The following MYO1H variants were observed in gnomAD, a reference collection of about 807,000 sequenced individuals.
MYO1H encodes unconventional myosin-Ih.
A neutral mutation model predicts 149.3 loss-of-function variants in MYO1H; 118 were observed. The observed-to-expected ratio is 0.79, with a 90% CI of 0.68 to 0.92. The LOEUF (loss-of-function observed/expected upper bound fraction) is 0.92. Among genes scored for constraint, MYO1H ranks in the 40% least tolerant of loss-of-function variants. The pLI is 0.00. For synonymous variants in MYO1H, 447 were observed against 465.2 expected, an observed-to-expected ratio of 0.96 and a Z score of 0.50; for missense variants, 1,212 against 1,280.7, an observed-to-expected ratio of 0.95 and a Z score of 0.82.
Position 109,406,877 on chromosome 12 carries a change from G to T in MYO1H, c.1035+17G>T, listed in dbSNP as rs770619927. ...ACTGAGGAGGTAAAAATGGCTATAG[G>T]TGGAAATGTGCCAGCCCTCCCTGCT... On this transcript the variant is annotated intron_variant, in intron 9 of 31. Coordinates refer to ENST00000310903, the Ensembl canonical transcript of MYO1H. 1.9e-6 allele frequency: 3 copies of T among 1,610,682 alleles called. No homozygotes were observed. The highest frequency in any genetic ancestry group is 3.3e-5 in the Admixed American group (2 of 60,010).
the MYO1H span, among the ~76,000 whole-genome samples, chr12:109,338,172 G>A: frequency 2.6e-5 from 4 of 152,110 alleles, no homozygotes; most frequent in Admixed American, 1.3e-4. Flanking sequence ...GAGCTCAAGC[G>A]ATCCTCCTGC....
chr12:109,440,037 C>CT (rs36004400), intron 24 of MYO1H, among the ~76,000 whole-genome samples: 2,726 of 143,122 alleles, frequency 0.019, 39 homozygotes, highest in African/African-American at 0.034. Flanking sequence ...AAACAGAGCA[C>CT]TTTTTTTTTT....
intron 14 of MYO1H, among the ~76,000 whole-genome samples, chr12:109,412,271 C>T (rs1870708543): frequency 6.6e-6 from 1 of 152,140 alleles, no homozygotes; most frequent in South Asian, 2.1e-4. Flanking sequence ...GATCCTCCAA[C>T]CTCAGCCTCC....
chr12:109,398,136 A>G (rs73403769), intron 5 of MYO1H, among the ~76,000 whole-genome samples: 16,704 of 152,258 alleles, frequency 0.11, 1,954 homozygotes, highest in African/African-American at 0.3. Context: ...TACCAGAGAT[A>G]TGATGCTATC....
chr12:109,383,826 A>G (rs1265390941), intron 1 of MYO1H, among the ~76,000 whole-genome samples: 1 of 152,132 alleles, frequency 6.6e-6, no homozygotes, highest in Non-Finnish European at 1.5e-5. Flanking sequence ...CCTCCCTGTC[A>G]TCTCCCCACC....
At chr12:109,397,792 G>C in exon 5 of MYO1H, 1 of 1,610,194 alleles carries the variant, frequency 6.2e-7, no homozygotes, top group East Asian at 2.2e-5. Context: ...GAAATACATG[G>C]ATATACAATT....
At chr12:109,326,401 C>T in the MYO1H span, among the ~76,000 whole-genome samples, 2 of 152,312 alleles carry the variant, frequency 1.3e-5, no homozygotes, top group African/African-American at 4.8e-5. Context: ...AACTCTTCAT[C>T]CATGCTACCC....
At chr12:109,393,522 C>G in intron 3 of MYO1H, 76 bp downstream of exon 3, 1 of 461,816 alleles carries the variant, frequency 2.2e-6, no homozygotes, top group Admixed American at 4.5e-5. Context: ...CTTCTCACCA[C>G]GCATCTGTCC....
chr12:109,388,694 G>A (rs537217924), exon 2 of MYO1H: 3 of 1,577,178 alleles, frequency 1.9e-6, no homozygotes, highest in Non-Finnish European at 2.6e-6. Flanking sequence ...AAGAAGACGT[G>A]AGGAGGAAAC....
chr12:109,428,283 G>T (rs1003000654), intron 19 of MYO1H, among the ~76,000 whole-genome samples: 1 of 152,046 alleles, frequency 6.6e-6, no homozygotes, highest in Admixed American at 6.5e-5. Context: ...TGACCGTAGG[G>T]CCTGGTTTAG....
intron 2 of MYO1H, among the ~76,000 whole-genome samples, chr12:109,391,641 T>C (rs762883011): frequency 6.6e-6 from 1 of 152,238 alleles, no homozygotes; most frequent in Non-Finnish European, 1.5e-5. Context: ...ATCGCCACAC[T>C]GTTTTCCACA....
At chr12:109,382,631 T>C (rs1433405389) in intron 1 of MYO1H, among the ~76,000 whole-genome samples, 2 of 152,008 alleles carry the variant, frequency 1.3e-5, no homozygotes, top group Admixed American at 6.6e-5. Context: ...GTTTTAGAGC[T>C]CCTATGTTTT....
chr12:109,319,486 T>G, the MYO1H span, among the ~76,000 whole-genome samples: 1 of 152,204 alleles, frequency 6.6e-6, no homozygotes, highest in African/African-American at 2.4e-5. Flanking sequence ...TGGAAAAACT[T>G]CTGGAGATCT....
In MYO1H at chr12:109,445,665, T is replaced by A; in HGVS notation, c.3093+53T>A. Reference sequence around the variant, plus strand: ...AAGCCGTTTTAGATGAGAATATAAGTTAAAGTTCTACCAATTTCAGTCCTG... The same window carrying A: ...AAGCCGTTTTAGATGAGAATATAAGATAAAGTTCTACCAATTTCAGTCCTG... On this transcript the variant is annotated intron_variant, in intron 31 of 31. Transcript: ENST00000310903. 1.9e-6 allele frequency: 3 copies of A among 1,568,770 alleles called. No homozygotes were observed. The South Asian group carries it at 3.6e-5, about 19-fold the overall frequency.
exon 12 of MYO1H, chr12:109,409,969 A>G: frequency 6.6e-7 from 1 of 1,507,574 alleles, no homozygotes; most frequent in African/African-American, 1.4e-5. Flanking sequence ...CTAGTTTTGA[A>G]CAGTTCTGTA....
At chr12:109,447,424 C>T (rs117567274) in exon 32 of MYO1H, 34,121 of 592,668 alleles carry the variant, frequency 0.058, 1,147 homozygotes, top group Non-Finnish European at 0.066. Flanking sequence ...CACCCGAAGG[C>T]GCAATTCTAA....
intron 1 of MYO1H, among the ~76,000 whole-genome samples, chr12:109,376,833 A>C (rs1869096918): frequency 6.6e-6 from 1 of 152,180 alleles, no homozygotes; most frequent in Non-Finnish European, 1.5e-5. Flanking sequence ...AGTTTTACTT[A>C]AACTTCTTGG....
exon 2 of MYO1H, chr12:109,388,760 G>A: frequency 6.2e-7 from 1 of 1,613,148 alleles, no homozygotes; most frequent in Non-Finnish European, 8.5e-7. Flanking sequence ...TCGGGGTTCA[G>A]GATTTTGTGC....
chr12:109,364,246 T>C (rs559689764), intron 1 of MYO1H, among the ~76,000 whole-genome samples: 4 of 150,828 alleles, frequency 2.7e-5, no homozygotes, highest in African/African-American at 9.7e-5. Context: ...TCCTGCCTCA[T>C]GTAACTGTCT....
Sources: allele counts gnomAD v4.1 joint callset (sites outside exome capture counted in the v4.1 genomes callset), GRCh38; gene constraint gnomAD v4.1.1; transcripts MANE v1.5; gene names NCBI Gene and HGNC (gene_info 2026-07-23, HGNC 2026-07-21).